Variants in AP3B2 observed in about 807,000 individuals in gnomAD.
The protein encoded by AP3B2 is adaptor related protein complex 3 subunit beta 2.
In AP3B2, 50 loss-of-function variants were observed where a neutral mutation model predicts 126.9. That is an observed-to-expected ratio of 0.39 (90% CI 0.31 to 0.50). The LOEUF is 0.50. Among genes scored for constraint, AP3B2 ranks in the 20% least tolerant of loss-of-function variants. The pLI, the probability that AP3B2 is intolerant of heterozygous loss-of-function variation, is 0.79. For synonymous variants in AP3B2, 541 were observed against 565.0 expected (o/e 0.96, Z 0.60); for missense variants, 1,177 against 1,426.4 (o/e 0.83, Z 2.82).
In AP3B2 at chr15:82,680,391, G is replaced by A. The variant is rs2048315518; in HGVS notation, c.1055+81C>T. The A allele has an allele frequency of 6.9e-7, 1 of 1,445,656 alleles. No homozygotes were observed. The highest frequency in any genetic ancestry group is 9.2e-7 in the Non-Finnish European group (1 of 1,092,380). The allele number at this position is 1,445,656 out of a possible 1,614,324, so 89.6% of individuals were successfully genotyped here. ...GTGGGCAGAGGTGGAAGCGGCTGGT[G>A]GGCGTGAGGGGGCGGAGCCGGGCAG... On this transcript the variant is annotated intron_variant, in intron 8 of 26. Transcript: ENST00000535359. This position sits in a 1 kb window ranked among gnomAD's most constrained non-coding sequence, Gnocchi z 6.1.
At chr15:82,668,504 C>A (rs1339728032) in intron 14 of AP3B2, among the ~76,000 whole-genome samples, 2 of 152,186 alleles carry the variant, frequency 1.3e-5, no homozygotes, top group Non-Finnish European at 2.9e-5. Context: ...ACAGATTTCC[C>A]AGCTGGCTGA....
In AP3B2 at chr15:82,665,382, C is replaced by CACACACACACAT. The variant is rs1156508934; in HGVS notation, c.1971+74_1971+75insATGTGTGTGTGT. 26 of 68,276 alleles carry CACACACACACAT rather than the reference C, an allele frequency of 3.8e-4. No individual in the cohort carries two copies. The highest frequency in any genetic ancestry group is 2.3e-3 in the Admixed American group (8 of 3,444). 4.2% of individuals were successfully genotyped at this position (68,276 alleles called of 1,614,324 possible). On this transcript the variant is annotated intron_variant, in intron 16 of 26. Transcript: ENST00000535359. This position sits in a 1 kb window ranked among gnomAD's most constrained non-coding sequence, Gnocchi z 4.4. ...CCTACTGTCTGCCCCCACCAACACACACACACACACACACACACACACACA... is the reference window on the plus strand; with the variant it reads ...CCTACTGTCTGCCCCCACCAACACACACACACACACATACACACACACACACACACACACACA...
chr15:82,662,706 A>T lies in AP3B2; in HGVS notation c.2821T>A (p.Phe941Ile). The T allele has an allele frequency of 1.2e-6, 2 of 1,613,030 alleles. No homozygotes were observed. ...AAGCCCTTCGCACCAATTTCGGGAA[A>T]TTCTTGGATGCTGATGCCAGCAGGC... ...KLPAGISIQE[F>I]PEIESLAPGE... The change falls in exon 23 of 27, where the codon TTT becomes ATT. Residue 941 changes from phenylalanine (F) to isoleucine (I), a missense_variant. By Grantham distance (21) the Phe-to-Ile change is conservative. Coordinates refer to ENST00000535359, the MANE Select transcript of AP3B2 (RefSeq NM_001278512.2).
intron 9 of AP3B2, 101 bp from the exon 10 acceptor site, chr15:82,679,901 G>A (rs1596181256): frequency 2.7e-6 from 3 of 1,122,174 alleles, no homozygotes; most frequent in South Asian, 2.6e-5. Context: ...CAGGATCCTT[G>A]CCTCCTCACC....
chr15:82,676,797 A>T (rs1382381299), intron 13 of AP3B2, among the ~76,000 whole-genome samples, 160 bp from the exon 14 acceptor site: 1 of 152,140 alleles, frequency 6.6e-6, no homozygotes. Context: ...AGAGAGGTTA[A>T]AAGGTAGACA....
rs774303482 is a variant in AP3B2 at position 82,681,240 on chromosome 15, C to G, written c.522-62G>C. 2.9e-5 allele frequency: 45 copies of G among 1,560,788 alleles called. No homozygotes were observed. Among genetic ancestry groups the G allele is most frequent in the Non-Finnish European group, 3.7e-5 (43 of 1,148,852 alleles). On this transcript the variant is annotated intron_variant, in intron 5 of 26. Coordinates refer to ENST00000535359, the MANE Select transcript of AP3B2 (RefSeq NM_001278512.2). This position sits in a 1 kb window ranked among gnomAD's most constrained non-coding sequence, Gnocchi z 4.0. ...CAGCCCCAGCCTTCCCAATATCTGT[C>G]CAAGCCATGCTCACCTCCTGCACCC...
intron 1 of AP3B2, among the ~76,000 whole-genome samples, chr15:82,691,347 C>A (rs989479180): frequency 8.5e-5 from 13 of 152,184 alleles, no homozygotes; most frequent in African/African-American, 2.9e-4. Flanking sequence ...ATTTGCATTT[C>A]TCTGATGGCC....
rs754148692 is a variant in AP3B2, at chr15:82,663,184, G to T, written c.2547C>A (p.Thr849=). 5.0e-6 allele frequency: 8 copies of T among 1,613,068 alleles called. No individual in the cohort carries two copies. The highest frequency in any genetic ancestry group is 6.8e-6 in the Non-Finnish European group (8 of 1,179,742). The part of the protein sequence containing the change: ...QPVSPPAIVS[T]SLAADLEGLT... ...GGCCCTCCAGGTCAGCAGCCAGACT[G>T]GTAGACACAATTGCTGGGGGAGACA... The change falls in exon 22 of 27, where the codon ACC becomes ACA. Residue 849 remains threonine, a synonymous_variant. Coordinates refer to ENST00000535359, the MANE Select transcript of AP3B2 (RefSeq NM_001278512.2).
At chr15:82,688,354 A>G in intron 4 of AP3B2, 1 of 693,944 alleles carries the variant, frequency 1.4e-6, no homozygotes, top group Non-Finnish European at 2.6e-6. Flanking sequence ...CCACTGCTAA[A>G]GGTTGAAATC....
intron 10 of AP3B2, among the ~76,000 whole-genome samples, 172 bp downstream of exon 10, chr15:82,679,555 CCT>C (rs2048297252): frequency 6.6e-6 from 1 of 152,166 alleles, no homozygotes; most frequent in Non-Finnish European, 1.5e-5. Flanking sequence ...CCCTTCTCCC[CCT>C]GACCCTCCTT....
At chr15:82,693,986 C>T (rs1028883506) in intron 1 of AP3B2, among the ~76,000 whole-genome samples, 1 of 151,526 alleles carries the variant, frequency 6.6e-6, no homozygotes, top group Non-Finnish European at 1.5e-5. Flanking sequence ...CAGGTGTGAG[C>T]CACTGCGCCC....
chr15:82,676,318 G>T, intron 14 of AP3B2, 143 bp downstream of exon 14: 1 of 811,680 alleles, frequency 1.2e-6, no homozygotes. Context: ...CATTGGTTAT[G>T]TGGGCAGACC....
chr15:82,706,808 G>A (rs2048803149), intron 1 of AP3B2, among the ~76,000 whole-genome samples: 1 of 152,034 alleles, frequency 6.6e-6, no homozygotes. Context: ...CCTTTCCATT[G>A]TGGAAATCTA....
chr15:82,665,599 G>A lies in AP3B2; in HGVS notation c.1853-24C>T, dbSNP rs1404041277. 2 of 1,561,292 alleles carry A rather than the reference G, an allele frequency of 1.3e-6. No individual in the cohort carries two copies. The highest frequency in any genetic ancestry group is 1.8e-6 in the Non-Finnish European group (2 of 1,134,550). On this transcript the variant is annotated intron_variant, in intron 15 of 26. Transcript: ENST00000535359. The surrounding 1 kb of genome is among the most constrained non-coding windows in gnomAD (Gnocchi z 4.4). ...GTCTAGGGATAGGTTTAGAGGTCAGGCAGGTAGCAGCAGTGAGGGAAAGCT... is the reference window on the plus strand; with the variant it reads ...GTCTAGGGATAGGTTTAGAGGTCAGACAGGTAGCAGCAGTGAGGGAAAGCT...
intron 4 of AP3B2, among the ~76,000 whole-genome samples, chr15:82,682,740 A>G (rs1017158670): frequency 6.6e-6 from 1 of 151,812 alleles, no homozygotes; most frequent in African/African-American, 2.4e-5. Flanking sequence ...AAAAAAAGTT[A>G]TGTTTACAAT....
chr15:82,682,083 C>A lies in AP3B2; in HGVS notation c.361-503G>T, dbSNP rs184139891. On this transcript the variant is annotated intron_variant, in intron 4 of 26. Transcript: ENST00000535359. Reference sequence around the variant, plus strand: ...TTTTTTTTTTTTTGAGATGGAGTCTCGCTCTGTCGCCAGGCTGGAGTGCGG... The same window carrying A: ...TTTTTTTTTTTTTGAGATGGAGTCTAGCTCTGTCGCCAGGCTGGAGTGCGG... Among the ~76,000 whole-genome samples, 1,130 of 115,500 alleles carry A rather than the reference C, an allele frequency of 9.8e-3. 22 individuals are homozygous for A. The highest frequency in any genetic ancestry group is 0.038 in the African/African-American group (1,081 of 28,352). The allele number at this position is 115,500 out of a possible 152,430, so 75.8% of individuals were successfully genotyped here. A position where few individuals can be genotyped will look rare whatever the true frequency, so the allele number is the denominator to read the frequency against.
Position 82,689,394 on chromosome 15 carries a change from A to G in AP3B2, c.173T>C (p.Met58Thr), listed in dbSNP as rs1481805476. The G allele has an allele frequency of 3.1e-6, 5 of 1,613,916 alleles. No homozygotes were observed. The highest frequency in any genetic ancestry group is 3.4e-6 in the Non-Finnish European group (4 of 1,179,882). The change falls in exon 2 of 27, where the codon ATG becomes ACG. Residue 58 changes from methionine (M) to threonine (T), a missense_variant. By Grantham distance (81) the Met-to-Thr change is moderately conservative. Around this residue, in one of 5 missense-constraint regions of AP3B2, gnomAD observed 130 missense variants for 262.0 expected, o/e 0.50. Coordinates refer to ENST00000535359, the MANE Select transcript of AP3B2 (RefSeq NM_001278512.2). ...CCCTCTTACCGCCACAATCCTCTTC[A>G]TGGCCTCCAGCTTGAGAGAATCCTT... Reference protein sequence around the residue: ...TNKDSLKLEAMKRIVAMIARG... With the variant: ...TNKDSLKLEATKRIVAMIARG...
In AP3B2 at chr15:82,680,438, C is replaced by G. The variant is rs566514875; in HGVS notation, c.1055+34G>C. On this transcript the variant is annotated intron_variant, in intron 8 of 26. Transcript: ENST00000535359. The surrounding 1 kb of genome is among the most constrained non-coding windows in gnomAD (Gnocchi z 6.1). ...GCAGCCCGTGGGGCGGGGCAGGAGGCGAGGGAGGGGGCGGGGCTGGGGGCG... is the reference window on the plus strand; with the variant it reads ...GCAGCCCGTGGGGCGGGGCAGGAGGGGAGGGAGGGGGCGGGGCTGGGGGCG... The G allele has an allele frequency of 8.5e-7, 1 of 1,171,844 alleles. No homozygotes were observed. The highest frequency in any genetic ancestry group is 1.1e-6 in the Non-Finnish European group (1 of 936,232). 72.6% of individuals were successfully genotyped at this position (1,171,844 alleles called of 1,614,324 possible). A position where few individuals can be genotyped will look rare whatever the true frequency, so the allele number is the denominator to read the frequency against.
chr15:82,681,029 G>A lies in AP3B2; in HGVS notation c.589-10C>T. 6.2e-7 allele frequency: 1 copy of A among 1,613,654 alleles called. No individual in the cohort carries two copies. The highest frequency in any genetic ancestry group is 8.5e-7 in the Non-Finnish European group (1 of 1,179,868). On this transcript the variant is annotated splice_polypyrimidine_tract_variant and intron_variant, in intron 6 of 26. Coordinates refer to ENST00000535359, the MANE Select transcript of AP3B2 (RefSeq NM_001278512.2). The surrounding 1 kb of genome is among the most constrained non-coding windows in gnomAD (Gnocchi z 4.0). The stretch of plus-strand genomic sequence containing the variant: ...CACTGCCCGCCACCAGCTGGGGAAA[G>A]AACAAAGACGAGAGGGTGAACGCGA...
Sources: gnomAD v4.1 joint callset for allele counts (sites outside exome capture counted in the v4.1 genomes callset) on GRCh38, gnomAD v4.1.1 for gene constraint, gnomAD v4.1.1 regional missense constraint, Gnocchi (gnomAD v3.1) non-coding constraint, MANE v1.5 for transcripts, NCBI Gene and HGNC (gene_info 2026-07-23, HGNC 2026-07-21) for gene names.